The following UNC5D variants were observed in gnomAD, a reference collection of about 807,000 sequenced individuals.
UNC5D encodes unc-5 netrin receptor D.
UNC5D carries 39 observed loss-of-function variants against 105.4 expected under a neutral mutation model. The ratio of observed to expected loss-of-function variants is 0.37; its 90% confidence interval spans 0.29 to 0.48. The LOEUF (loss-of-function observed/expected upper bound fraction) is 0.48, where lower values mean the gene tolerates loss of function less well. UNC5D is among the 20% of genes least tolerant of loss of function. The probability of loss-of-function intolerance (pLI) is 0.98; values close to 1 mark genes in which losing one functional copy is unlikely to be tolerated. For synonymous variants in UNC5D, 452 were observed against 450.4 expected, an observed-to-expected ratio of 1.00 and a Z score of -0.04; for missense variants, 991 against 1,202.4, an observed-to-expected ratio of 0.82 and a Z score of 2.60.
chr8:35,277,841 T>C (rs1233550854), intron 1 of UNC5D, among the ~76,000 whole-genome samples: 1 of 152,222 alleles, frequency 6.6e-6, no homozygotes, highest in African/African-American at 2.4e-5. Flanking sequence ...GGAATACCTT[T>C]GCTTTTCAAA....
intron 4 of UNC5D, among the ~76,000 whole-genome samples, chr8:35,625,686 C>A (rs1225038406): frequency 6.6e-6 from 1 of 152,120 alleles, no homozygotes; most frequent in Non-Finnish European, 1.5e-5. Flanking sequence ...TTATTAAATG[C>A]GTGCAGTGTG....
At chr8:35,515,485 GA>G (rs2130398767) in intron 1 of UNC5D, among the ~76,000 whole-genome samples, 1 of 152,264 alleles carries the variant, frequency 6.6e-6, no homozygotes, top group Admixed American at 6.5e-5. Flanking sequence ...AGGAGTTCGA[GA>G]CCAGCCTGGC....
intron 1 of UNC5D, among the ~76,000 whole-genome samples, chr8:35,398,949 A>T (rs1804270449): frequency 6.6e-6 from 1 of 152,004 alleles, no homozygotes; most frequent in South Asian, 2.1e-4. Context: ...TGAGCTCAGG[A>T]GTTCGAGACC....
chr8:35,324,011 T>C (rs1256417490), intron 1 of UNC5D, among the ~76,000 whole-genome samples: 1 of 151,870 alleles, frequency 6.6e-6, no homozygotes, highest in Non-Finnish European at 1.5e-5. Context: ...AGGAAGACGG[T>C]TTGTGCCCAG....
At chr8:35,607,674 G>T (rs551515524) in intron 4 of UNC5D, among the ~76,000 whole-genome samples, 80 of 152,076 alleles carry the variant, frequency 5.3e-4, no homozygotes, top group African/African-American at 1.9e-3. Context: ...GTTTTATAAG[G>T]GGCTTTTTTC....
chr8:35,412,178 A>T (rs186748614), intron 1 of UNC5D, among the ~76,000 whole-genome samples: 6 of 152,120 alleles, frequency 3.9e-5, no homozygotes, highest in African/African-American at 1.4e-4. Context: ...TGAATGCAGG[A>T]TTGGCTGTTA....
chr8:35,240,655 C>G (rs1181082291), intron 1 of UNC5D, among the ~76,000 whole-genome samples: 1 of 152,160 alleles, frequency 6.6e-6, no homozygotes, highest in Non-Finnish European at 1.5e-5. Flanking sequence ...TGTACCTACT[C>G]CATCTGACTC....
At chr8:35,539,495 A>G (rs1178580131) in intron 1 of UNC5D, among the ~76,000 whole-genome samples, 1 of 152,214 alleles carries the variant, frequency 6.6e-6, no homozygotes, top group African/African-American at 2.4e-5. Flanking sequence ...ATGTTCCACC[A>G]AAACAAAATG....
At chr8:35,727,566 G>A (rs1192539253) in intron 10 of UNC5D, 4 of 152,176 alleles carry the variant, frequency 2.6e-5, no homozygotes, top group East Asian at 1.9e-4. Context: ...ATTTCTAGTT[G>A]ATGAATGTTG....
intron 3 of UNC5D, among the ~76,000 whole-genome samples, chr8:35,581,431 CTT>C (rs1297846933): frequency 1.3e-5 from 2 of 152,124 alleles, no homozygotes; most frequent in African/African-American, 4.8e-5. Flanking sequence ...CCAAAAAGTA[CTT>C]TTTTGGTTTT....
chr8:35,257,129 G>A (rs945857642), intron 1 of UNC5D, among the ~76,000 whole-genome samples: 29 of 151,602 alleles, frequency 1.9e-4, no homozygotes, highest in African/African-American at 6.8e-4. Context: ...GCACCACCAC[G>A]CCCAGCTAAT....
At chr8:35,641,393 A>T (rs1047975482) in intron 4 of UNC5D, among the ~76,000 whole-genome samples, 4 of 151,498 alleles carry the variant, frequency 2.6e-5, no homozygotes, top group East Asian at 3.9e-4. Context: ...AAAGAAAAAA[A>T]AAAACAGCAT....
At chr8:35,574,318 T>C (rs1478406683) in intron 3 of UNC5D, among the ~76,000 whole-genome samples, 1 of 152,180 alleles carries the variant, frequency 6.6e-6, no homozygotes. Context: ...TCAAGCCTGT[T>C]ATAGCAAGTT....
chr8:35,433,575 G>A (rs1806797273), intron 1 of UNC5D, among the ~76,000 whole-genome samples: 1 of 151,980 alleles, frequency 6.6e-6, no homozygotes, highest in Non-Finnish European at 1.5e-5. Context: ...TATTTTATTA[G>A]ACTAGAATAT....
chr8:35,735,753 A>C (rs1469986961), intron 11 of UNC5D, among the ~76,000 whole-genome samples: 1 of 152,224 alleles, frequency 6.6e-6, no homozygotes, highest in Non-Finnish European at 1.5e-5. Context: ...ATTACTGTGG[A>C]GATTACTGTG....
chr8:35,365,804 C>A (rs16883881), intron 1 of UNC5D, among the ~76,000 whole-genome samples: 3,156 of 151,994 alleles, frequency 0.021, 115 homozygotes, highest in African/African-American at 0.073. Context: ...AGGTTTCAAT[C>A]TAGTGAATGC....
intron 1 of UNC5D, among the ~76,000 whole-genome samples, chr8:35,349,192 A>G (rs1028215436): frequency 6.6e-6 from 1 of 152,022 alleles, no homozygotes; most frequent in Non-Finnish European, 1.5e-5. Flanking sequence ...TCAGATATTG[A>G]TGGCATTCTT....
At chr8:35,758,844 A>G (rs184086600) in intron 13 of UNC5D, among the ~76,000 whole-genome samples, 2 of 152,346 alleles carry the variant, frequency 1.3e-5, no homozygotes, top group East Asian at 3.9e-4. Flanking sequence ...ATTTATTTTA[A>G]GCCAAAAGAA....
chr8:35,438,331 A>C (rs149604051), intron 1 of UNC5D, among the ~76,000 whole-genome samples: 6 of 152,192 alleles, frequency 3.9e-5, no homozygotes, highest in African/African-American at 1.4e-4. Context: ...AATGAATGTG[A>C]AAATTTTAAA....
Sources: gnomAD v4.1 joint callset for allele counts (sites outside exome capture counted in the v4.1 genomes callset) on GRCh38, gnomAD v4.1.1 for gene constraint, MANE v1.5 for transcripts, NCBI Gene and HGNC (gene_info 2026-07-23, HGNC 2026-07-21) for gene names.